LTBP3: variants seen among roughly 807,000 people sequenced by gnomAD.
The protein encoded by LTBP3 is latent-transforming growth factor beta-binding protein 3.
In LTBP3, 97 loss-of-function variants were observed where a neutral mutation model predicts 159.7. That is an observed-to-expected ratio of 0.61 (90% CI 0.52 to 0.72). The LOEUF (loss-of-function observed/expected upper bound fraction) is 0.72, where lower values mean the gene tolerates loss of function less well. LTBP3 is among the 30% of genes least tolerant of loss of function. The pLI is 0.00. For missense variants in LTBP3, 1,584 were observed against 1,864.3 expected, an observed-to-expected ratio of 0.85 and a Z score of 2.77; for synonymous variants, 824 against 777.1, an observed-to-expected ratio of 1.06 and a Z score of -1.00.
At chr11:65,540,214 C>T (rs1322665907) in intron 23 of LTBP3, 31 bp downstream of exon 23, 54 of 1,546,618 alleles carry the variant, frequency 3.5e-5, no homozygotes, top group Non-Finnish European at 4.4e-5. Flanking sequence ...CCGCCCCTCC[C>T]GCGTACCCCA....
Position 65,553,596 on chromosome 11 carries a change from G to T in LTBP3, c.865-66C>A. The T allele has an allele frequency of 6.7e-7, 1 of 1,500,048 alleles. No individual in the cohort carries two copies. The highest frequency in any genetic ancestry group is 9.1e-7 in the Non-Finnish European group (1 of 1,094,680). The allele number at this position is 1,500,048 out of a possible 1,614,324, so 92.9% of individuals were successfully genotyped here. ...CCCCGGTGCCGCCTGTTAGGGTTGGGCCTTTTCCTCTTCCCCCGCCCCTCA... is the reference window on the plus strand; with the variant it reads ...CCCCGGTGCCGCCTGTTAGGGTTGGTCCTTTTCCTCTTCCCCCGCCCCTCA... On this transcript the variant is annotated intron_variant, in intron 3 of 27. Coordinates refer to ENST00000301873, the MANE Select transcript of LTBP3 (RefSeq NM_001130144.3). The surrounding 1 kb of genome is among the most constrained non-coding windows in gnomAD (Gnocchi z 6.5).
chr11:65,546,938 G>T lies in LTBP3; in HGVS notation c.2108-18C>A, dbSNP rs1856399136. ...GTCGATGTCTGCACGGGAGGGAGAAGGAAGAGGACCCATCTGGGGACAACG... is the reference window on the plus strand; with the variant it reads ...GTCGATGTCTGCACGGGAGGGAGAATGAAGAGGACCCATCTGGGGACAACG... On this transcript the variant is annotated intron_variant, in intron 14 of 27. Transcript: ENST00000301873. The surrounding 1 kb of genome is among the most constrained non-coding windows in gnomAD (Gnocchi z 4.0). The T allele has an allele frequency of 1.2e-6, 2 of 1,609,800 alleles. No individual in the cohort carries two copies. The highest frequency in any genetic ancestry group is 1.7e-5 in the Admixed American group (1 of 60,010).
intron 11 of LTBP3, among the ~76,000 whole-genome samples, chr11:65,550,824 AAAAAAAC>A (rs951138549): frequency 5.9e-5 from 9 of 152,234 alleles, no homozygotes; most frequent in South Asian, 2.1e-4. Context: ...CTCCGTCTCA[AAAAAAAC>A]AAAAAACAAA....
chr11:65,539,099 A>T lies in LTBP3; in HGVS notation c.3893T>A (p.Val1298Asp). The change falls in exon 28 of 28, where the codon GTT becomes GAT. Residue 1298 changes from valine (V) to aspartate (D), a missense_variant. Around this residue, in one of 6 missense-constraint regions of LTBP3, gnomAD observed 514 missense variants for 530.3 expected, o/e 0.97. Transcript: ENST00000301873. The part of the protein sequence containing the change: ...FARSRPHGAC[V>D]PQRRR Reference sequence around the variant, plus strand: ...GCGGCGTCAGCGGCGGCGCTGGGGAACGCAGGCCCCGTGCGGGCGGCTGCG... The same window carrying T: ...GCGGCGTCAGCGGCGGCGCTGGGGATCGCAGGCCCCGTGCGGGCGGCTGCG... 1 of 1,448,962 alleles carries T rather than the reference A, an allele frequency of 6.9e-7. No homozygotes were observed. Among genetic ancestry groups the T allele is most frequent in the Non-Finnish European group, 9.1e-7 (1 of 1,097,996 alleles). The allele number at this position is 1,448,962 out of a possible 1,614,324, so 89.8% of individuals were successfully genotyped here. A position where few individuals can be genotyped will look rare whatever the true frequency, so the allele number is the denominator to read the frequency against.
At position 65,539,002 on chromosome 11, in the gene LTBP3, C is replaced by G. The variant is rs1855904444; in HGVS notation, c.*78G>C. On this transcript the variant is annotated 3_prime_UTR_variant, in exon 28 of 28. Transcript: ENST00000301873. ...AGGTCCCTGGGTCCGAGCCACAAGT[C>G]GGGGCAGAAGTGAGGCCGAGCTCGC... The G allele has an allele frequency of 7.6e-7, 1 of 1,315,602 alleles. No homozygotes were observed. The highest frequency in any genetic ancestry group is 9.7e-7 in the Non-Finnish European group (1 of 1,033,346). The allele number at this position is 1,315,602 out of a possible 1,614,324, so 81.5% of individuals were successfully genotyped here. A position where few individuals can be genotyped will look rare whatever the true frequency, so the allele number is the denominator to read the frequency against.
At chr11:65,551,325 G>C in intron 10 of LTBP3, 77 bp downstream of exon 10, 1 of 1,562,306 alleles carries the variant, frequency 6.4e-7, no homozygotes, top group Non-Finnish European at 8.7e-7. Context: ...GACTGTCCCC[G>C]AGTACTTAAA....
chr11:65,546,485 A>G lies in LTBP3; in HGVS notation c.2310T>C (p.Cys770=), dbSNP rs748331944. 1.3e-6 allele frequency: 2 copies of G among 1,595,040 alleles called. No individual in the cohort carries two copies. The highest frequency in any genetic ancestry group is 1.7e-6 in the Non-Finnish European group (2 of 1,177,662). ...CGGGCGCGGGCGCGTAGCCCTGGGC[A>G]CAGGTGCAGCGGAAGGAGCCCGGGA... ...ENLPGSFRCT[C]AQGYAPAPDG... is the part of the protein sequence containing the mutation. Residue 770 remains cysteine (C), a synonymous_variant, in exon 16 of 28, where the codon TGT becomes TGC. Coordinates refer to ENST00000301873, the MANE Select transcript of LTBP3 (RefSeq NM_001130144.3). This position sits in a 1 kb window ranked among gnomAD's most constrained non-coding sequence, Gnocchi z 4.0.
Position 65,546,655 on chromosome 11 carries a change from G to A in LTBP3, c.2231-91C>T. The A allele has an allele frequency of 6.4e-7, 1 of 1,574,200 alleles. No individual in the cohort carries two copies. The highest frequency in any genetic ancestry group is 8.6e-7 in the Non-Finnish European group (1 of 1,167,084). On this transcript the variant is annotated intron_variant, in intron 15 of 27. Coordinates refer to ENST00000301873, the MANE Select transcript of LTBP3 (RefSeq NM_001130144.3). This position sits in a 1 kb window ranked among gnomAD's most constrained non-coding sequence, Gnocchi z 4.0. ...GTGTGGGTCTCTTCCCTGGAACGCG[G>A]GGTTGAGAGGGCAGCCTCTACTCCC...
In LTBP3 at chr11:65,538,774, G is replaced by A. The variant is rs551654679; in HGVS notation, c.*306C>T. 1,602 of 846,878 alleles carry A rather than the reference G, an allele frequency of 1.9e-3. 3 individuals carry two copies. The highest frequency in any genetic ancestry group is 3.2e-3 in the Admixed American group (104 of 32,458). 52.5% of individuals were successfully genotyped at this position (846,878 alleles called of 1,614,324 possible). On this transcript the variant is annotated 3_prime_UTR_variant, in exon 28 of 28. Transcript: ENST00000301873. Reference sequence around the variant, plus strand: ...TCTGGCGCCGCCCTGCGCAGCCCGCGCCCACGTCAGACGTGAACATCAATT... The same window carrying A: ...TCTGGCGCCGCCCTGCGCAGCCCGCACCCACGTCAGACGTGAACATCAATT...
intron 16 of LTBP3, chr11:65,544,158 G>A (rs1276993919): frequency 1.2e-5 from 2 of 164,690 alleles, no homozygotes; most frequent in South Asian, 1.6e-4. Context: ...CACATTCCTG[G>A]ATCTCTCGGC....
At chr11:65,549,757 G>GAAA (rs752434010) in intron 11 of LTBP3, among the ~76,000 whole-genome samples, 73 of 104,462 alleles carry the variant, frequency 7.0e-4, no homozygotes, top group African/African-American at 1.6e-3. Context: ...CCCAGGCCGG[G>GAAA]AAAAAAAAAA....
chr11:65,555,741 G>A (rs994635690), intron 1 of LTBP3, among the ~76,000 whole-genome samples: 2 of 152,106 alleles, frequency 1.3e-5, no homozygotes, highest in Non-Finnish European at 2.9e-5. Flanking sequence ...ACCAGCCTTG[G>A]GGCTCTGACT....
In LTBP3 at chr11:65,541,119, T is replaced by A. The variant is rs1323152737; in HGVS notation, c.2893+7A>T. ...AGATCTGGGAAGGGGCCTGCCCGGC[T>A]CCTGACCTGAGCTGTAGACTGGGCA... On this transcript the variant is annotated splice_region_variant and intron_variant, in intron 20 of 27. Coordinates refer to ENST00000301873, the MANE Select transcript of LTBP3 (RefSeq NM_001130144.3). 1.9e-6 allele frequency: 3 copies of A among 1,612,226 alleles called. No individual in the cohort carries two copies. In the Admixed American group the frequency reaches 5.0e-5, roughly 27 times the overall value.
Position 65,553,937 on chromosome 11 carries a change from G to GCACCGCGCCGCGGGT in LTBP3, c.662-49_662-35dup, listed in dbSNP as rs745813456. On this transcript the variant is annotated intron_variant, in intron 2 of 27. Coordinates refer to ENST00000301873, the MANE Select transcript of LTBP3 (RefSeq NM_001130144.3). This position sits in a 1 kb window ranked among gnomAD's most constrained non-coding sequence, Gnocchi z 6.5. ...GGGCGCGGTGGCCTCAGGGCTGCCC[G>GCACCGCGCCGCGGGT]CACCGCGCCGCGGGTCACCGCGCTG... The GCACCGCGCCGCGGGT allele has an allele frequency of 1.3e-5, 20 of 1,510,140 alleles. No individual in the cohort carries two copies. The highest frequency in any genetic ancestry group is 1.3e-4 in the South Asian group (11 of 83,410). The allele number at this position is 1,510,140 out of a possible 1,614,324, so 93.5% of individuals were successfully genotyped here.
chr11:65,551,406 G>GTA lies in LTBP3; in HGVS notation c.1615_1616dup (p.Pro540ThrfsTer4). ...TCCCTACAGTGCCCAGCTCACCGGG[G>GTA]TAGGGCCGGGCAGGAGTCGTGGTGG... is the stretch of plus-strand genomic sequence containing the variant. On this transcript the variant is annotated frameshift_variant, in exon 10 of 28. Transcript: ENST00000301873. LOFTEE classifies it high-confidence loss of function. The GTA allele has an allele frequency of 6.2e-7, 1 of 1,613,202 alleles. No individual in the cohort carries two copies. The highest frequency in any genetic ancestry group is 8.5e-7 in the Non-Finnish European group (1 of 1,179,986).
chr11:65,548,283 A>G, intron 11 of LTBP3: 1 of 636,826 alleles, frequency 1.6e-6, no homozygotes, highest in Non-Finnish European at 2.8e-6. Flanking sequence ...AGGCCCGGAT[A>G]CTTCCATTCC....
chr11:65,555,648 G>A (rs1179182390), intron 1 of LTBP3, among the ~76,000 whole-genome samples: 2 of 152,192 alleles, frequency 1.3e-5, no homozygotes, highest in African/African-American at 2.4e-5. Flanking sequence ...GGGGGTTCGG[G>A]GGAATGAATG....
chr11:65,548,519 A>C, intron 11 of LTBP3: 1 of 206,764 alleles, frequency 4.8e-6, no homozygotes, highest in Non-Finnish European at 1.0e-5. Flanking sequence ...AGGGTTGATT[A>C]CCCCCTCCCA....
At chr11:65,542,968 G>GGATGGATA (rs1206531053) in intron 18 of LTBP3, 137 bp downstream of exon 18, 3 of 1,098,062 alleles carry the variant, frequency 2.7e-6, no homozygotes, top group African/African-American at 2.7e-5. Flanking sequence ...ATGGATGGAT[G>GGATGGATA]GATGGATAGA....
Sources: allele counts gnomAD v4.1 joint callset (sites outside exome capture counted in the v4.1 genomes callset), GRCh38; gene constraint gnomAD v4.1.1; regional missense constraint gnomAD v4.1.1; non-coding constraint Gnocchi (gnomAD v3.1); transcripts MANE v1.5; gene names NCBI Gene and HGNC (gene_info 2026-07-23, HGNC 2026-07-21).